The following CDH18 variants were observed in gnomAD, a reference collection of about 807,000 sequenced individuals.
The protein encoded by CDH18 is cadherin 18.
A neutral mutation model predicts 67.9 loss-of-function variants in CDH18; 31 were observed. The ratio of observed to expected loss-of-function variants is 0.46; its 90% CI spans 0.34 to 0.62. The LOEUF (loss-of-function observed/expected upper bound fraction) is 0.62. Ranked by LOEUF, CDH18 falls within the 20% of genes least tolerant of loss-of-function variation. The pLI, the probability that CDH18 is intolerant of heterozygous loss-of-function variation, is 0.01. For synonymous variants in CDH18, 362 were observed against 347.2 expected, an observed-to-expected ratio of 1.04 and a Z score of -0.48; for missense variants, 890 against 975.5, an observed-to-expected ratio of 0.91 and a Z score of 1.17.
intron 5 of CDH18, among the ~76,000 whole-genome samples, chr5:19,658,992 C>G (rs1204124760): frequency 1.3e-5 from 2 of 152,066 alleles, no homozygotes; most frequent in Non-Finnish European, 2.9e-5. Context: ...AGTTCATGTC[C>G]TTTGTAGGGA....
intron 1 of CDH18, among the ~76,000 whole-genome samples, chr5:20,558,899 G>C (rs1758055460): frequency 6.6e-6 from 1 of 151,756 alleles, no homozygotes; most frequent in African/African-American, 2.4e-5. Flanking sequence ...GTTTCTCATT[G>C]CTTGAAATTT....
chr5:20,560,161 C>T (rs1267594252), intron 1 of CDH18, among the ~76,000 whole-genome samples: 2 of 152,206 alleles, frequency 1.3e-5, no homozygotes, highest in East Asian at 1.9e-4. Context: ...CGTGCTGTCA[C>T]AGATTTCTGA....
At chr5:19,631,592 CTTTA>C (rs1752424955) in intron 5 of CDH18, among the ~76,000 whole-genome samples, 1 of 151,894 alleles carries the variant, frequency 6.6e-6, no homozygotes, top group African/African-American at 2.4e-5. Context: ...ATACTTAAAA[CTTTA>C]TTGAAAGACT....
At chr5:19,699,826 G>T (rs2150469721) in intron 5 of CDH18, among the ~76,000 whole-genome samples, 1 of 152,152 alleles carries the variant, frequency 6.6e-6, no homozygotes, top group African/African-American at 2.4e-5. Flanking sequence ...CCCAGTCTAT[G>T]ATATCATTAA....
intron 2 of CDH18, among the ~76,000 whole-genome samples, chr5:20,163,689 A>G (rs1736065515): frequency 6.6e-6 from 1 of 152,222 alleles, no homozygotes; most frequent in East Asian, 1.9e-4. Context: ...GAAAGCTAAT[A>G]TTGGGTAACG....
At chr5:19,838,573 T>C (rs1403094419) in intron 3 of CDH18, among the ~76,000 whole-genome samples, 186 bp downstream of exon 3, 1 of 152,200 alleles carries the variant, frequency 6.6e-6, no homozygotes, top group African/African-American at 2.4e-5. Flanking sequence ...ATATGATGAA[T>C]AATGTTTTCT....
intron 2 of CDH18, among the ~76,000 whole-genome samples, chr5:20,153,148 T>C (rs1751254896): frequency 6.6e-6 from 1 of 151,946 alleles, no homozygotes; most frequent in Non-Finnish European, 1.5e-5. Flanking sequence ...TTCACTGCGT[T>C]AGCCAGGATT....
chr5:19,992,464 AC>A (rs1379555373), upstream of CDH18, among the ~76,000 whole-genome samples: 14 of 151,754 alleles, frequency 9.2e-5, no homozygotes, highest in East Asian at 3.9e-4. Flanking sequence ...AAAAAAAAAA[AC>A]AACTGTGGGT....
At position 19,874,404 on chromosome 5, in the gene CDH18, C is replaced by T. The variant is rs1424724938; in HGVS notation, c.-256-35162G>A. 2.6e-5 allele frequency among the ~76,000 whole-genome samples: 4 copies of T among 152,036 alleles called. No homozygotes were observed. In the East Asian group the frequency reaches 5.8e-4, roughly 22 times the overall value. ...AGGTCTTTAATAATATCTTCCACAA[C>T]AACTTTATGAAACTATAACAAAGCA... On this transcript the variant is annotated intron_variant, in intron 2 of 12. Transcript: ENST00000382275.
intron 8 of CDH18, among the ~76,000 whole-genome samples, chr5:19,563,016 G>T (rs186881780): frequency 1.3e-5 from 2 of 152,206 alleles, no homozygotes; most frequent in African/African-American, 4.8e-5. Context: ...AAAAAGACTT[G>T]CCAGTTAGCA....
At chr5:20,029,043 G>C (rs1739159986) in intron 2 of CDH18, among the ~76,000 whole-genome samples, 1 of 151,780 alleles carries the variant, frequency 6.6e-6, no homozygotes, top group Non-Finnish European at 1.5e-5. Flanking sequence ...TGGATCCAAG[G>C]ATCCAAAGCA....
intron 3 of CDH18, among the ~76,000 whole-genome samples, chr5:19,780,032 T>C (rs1774913793): frequency 6.6e-6 from 1 of 152,298 alleles, no homozygotes; most frequent in Non-Finnish European, 1.5e-5. Flanking sequence ...GAAGGGCCTG[T>C]TAATGTCTTT....
chr5:19,970,746 C>A (rs1005131370), intron 2 of CDH18, among the ~76,000 whole-genome samples: 7 of 149,738 alleles, frequency 4.7e-5, no homozygotes, highest in Non-Finnish European at 1.0e-4. Context: ...TTATTTATAC[C>A]GTAAAATAAT....
At chr5:19,530,000 A>G (rs1407574186) in intron 9 of CDH18, among the ~76,000 whole-genome samples, 1 of 152,156 alleles carries the variant, frequency 6.6e-6, no homozygotes, top group African/African-American at 2.4e-5. Flanking sequence ...TTCAAAAAGG[A>G]GGAAGAAAAA....
At chr5:19,783,517 T>C (rs1047361850) in intron 3 of CDH18, among the ~76,000 whole-genome samples, 1 of 152,172 alleles carries the variant, frequency 6.6e-6, no homozygotes, top group Non-Finnish European at 1.5e-5. Flanking sequence ...CACCTGAGCA[T>C]ACTAGTGATT....
intron 2 of CDH18, among the ~76,000 whole-genome samples, chr5:20,093,958 T>C (rs908375798): frequency 2.0e-5 from 3 of 151,994 alleles, no homozygotes; most frequent in Non-Finnish European, 4.4e-5. Flanking sequence ...AATTCTCCAG[T>C]TTGGTAGGAT....
chr5:19,945,508 A>G (rs1379328164), intron 2 of CDH18, among the ~76,000 whole-genome samples: 1 of 152,152 alleles, frequency 6.6e-6, no homozygotes, highest in Non-Finnish European at 1.5e-5. Flanking sequence ...GACATCCACA[A>G]TCTGATGAGA....
At chr5:19,997,029 T>C (rs1736072590) in intron 2 of CDH18, among the ~76,000 whole-genome samples, 1 of 152,144 alleles carries the variant, frequency 6.6e-6, no homozygotes, top group Admixed American at 6.5e-5. Flanking sequence ...TGAAATGCAA[T>C]ACCATAAATT....
intron 2 of CDH18, among the ~76,000 whole-genome samples, chr5:19,971,244 A>T (rs1189313048): frequency 6.6e-6 from 1 of 152,038 alleles, no homozygotes; most frequent in Non-Finnish European, 1.5e-5. Flanking sequence ...AGTAAATATC[A>T]TAAAAATAAC....
Sources: gnomAD v4.1 joint callset for allele counts (sites outside exome capture counted in the v4.1 genomes callset) on GRCh38, gnomAD v4.1.1 for gene constraint, MANE v1.5 for transcripts, NCBI Gene and HGNC (gene_info 2026-07-23, HGNC 2026-07-21) for gene names.